Variants in SYT7 observed in about 807,000 individuals in gnomAD.
The protein encoded by SYT7 is synaptotagmin-7.
A neutral mutation model predicts 75.1 loss-of-function variants in SYT7; 29 were observed. The observed-to-expected ratio is 0.39, with a 90% confidence interval of 0.29 to 0.53. The LOEUF is 0.53. SYT7 is among the 20% of genes least tolerant of loss of function. The pLI, the probability that SYT7 is intolerant of heterozygous loss-of-function variation, is 0.77. For synonymous variants in SYT7, 376 were observed against 401.7 expected, an observed-to-expected ratio of 0.94 and a Z score of 0.76; for missense variants, 693 against 953.2, an observed-to-expected ratio of 0.73 and a Z score of 3.59.
chr11:61,542,885 T>C lies in SYT7; in HGVS notation c.573-306A>G, dbSNP rs1169950290. ...GACCTCCCTGCCGGTCTGAGTGGGC[T>C]GCGAGTGCTGCTGAGGCTGCGTGGT... On this transcript the variant is annotated intron_variant, in intron 5 of 12. Coordinates refer to ENST00000539008, the MANE Select transcript of SYT7 (RefSeq NM_001365809.2). The surrounding 1 kb of genome is among the most constrained non-coding windows in gnomAD (Gnocchi z 7.8). Among the ~76,000 whole-genome samples, 1 of 152,178 alleles carries C rather than the reference T, an allele frequency of 6.6e-6. No individual in the cohort carries two copies. Among genetic ancestry groups the C allele is most frequent in the Middle Eastern group, 3.2e-3 (1 of 316 alleles).
At chr11:61,530,743 G>A (rs2062679794) in intron 8 of SYT7, 1 of 948,830 alleles carries the variant, frequency 1.1e-6, no homozygotes, top group Non-Finnish European at 1.3e-6. Flanking sequence ...TCTTGGGAAG[G>A]CCTGGGCTGG....
In SYT7 at chr11:61,580,602, T is replaced by G. The variant is rs2064231446; in HGVS notation, c.31+188A>C. Among the ~76,000 whole-genome samples, 1 of 152,074 alleles carries G rather than the reference T, an allele frequency of 6.6e-6. No homozygotes were observed. Among genetic ancestry groups the G allele is most frequent in the African/African-American group, 2.4e-5 (1 of 41,512 alleles). On this transcript the variant is annotated intron_variant, in intron 1 of 12. Transcript: ENST00000539008. The surrounding 1 kb of genome is among the most constrained non-coding windows in gnomAD (Gnocchi z 6.1). ...ACATCCAGCCTGGCAGTGTCCAGACTGCGGGGGACCGGGGTCCGAGCCGCT... is the reference window on the plus strand; with the variant it reads ...ACATCCAGCCTGGCAGTGTCCAGACGGCGGGGGACCGGGGTCCGAGCCGCT...
rs2063193756 is a variant in SYT7, at chr11:61,546,489, A to G, written c.348-234T>C. The G allele has an allele frequency of 2.4e-6, 1 of 424,138 alleles. No individual in the cohort carries two copies. Among genetic ancestry groups the G allele is most frequent in the Non-Finnish European group, 4.4e-6 (1 of 228,382 alleles). 26.3% of individuals were successfully genotyped at this position (424,138 alleles called of 1,614,324 possible). On this transcript the variant is annotated intron_variant, in intron 4 of 12. Transcript: ENST00000539008. The surrounding 1 kb of genome is among the most constrained non-coding windows in gnomAD (Gnocchi z 7.6). ...AATGGGTTAACAGCGGAGCCTGCAG[A>G]GGAGAGAGGGGGACCGGGCGGGCTG... is the stretch of plus-strand genomic sequence containing the variant.
intron 7 of SYT7, among the ~76,000 whole-genome samples, chr11:61,536,845 C>T (rs549550586): frequency 6.6e-6 from 1 of 152,332 alleles, no homozygotes; most frequent in East Asian, 1.9e-4. Flanking sequence ...GGGACAGTCC[C>T]TTCTGGCCCC....
At chr11:61,522,214 A>G (rs1213594356) in intron 12 of SYT7, among the ~76,000 whole-genome samples, 1 of 136,970 alleles carries the variant, frequency 7.3e-6, no homozygotes, top group Non-Finnish European at 1.5e-5. Context: ...TTTTTCAGGC[A>G]GAGTTTTCTC....
chr11:61,514,804 G>A lies in SYT7; in HGVS notation c.*3823C>T, dbSNP rs2062112796. The stretch of plus-strand genomic sequence containing the variant: ...GAATGAAACTAGAAGAGGGCTGAGA[G>A]AAGCCGCAGGTCCAGCCAACAGACA... On this transcript the variant is annotated 3_prime_UTR_variant, in exon 13 of 13. Coordinates refer to ENST00000539008, the MANE Select transcript of SYT7 (RefSeq NM_001365809.2). Among the ~76,000 whole-genome samples the A allele has an allele frequency of 6.6e-6, 1 of 152,238 alleles. No homozygotes were observed.
At chr11:61,531,639 A>G (rs1012487317) in intron 8 of SYT7, among the ~76,000 whole-genome samples, 4 of 152,030 alleles carry the variant, frequency 2.6e-5, no homozygotes, top group African/African-American at 9.7e-5. Context: ...CATGCCTGTA[A>G]TCACAGCACT....
chr11:61,543,332 C>T (rs1287408679), intron 5 of SYT7, among the ~76,000 whole-genome samples: 1 of 152,188 alleles, frequency 6.6e-6, no homozygotes, highest in Non-Finnish European at 1.5e-5. Context: ...AACCCAGTAT[C>T]CCCTCATCCG....
intron 6 of SYT7, chr11:61,541,376 A>C: frequency 5.4e-6 from 4 of 747,260 alleles, no homozygotes; most frequent in Non-Finnish European, 6.2e-6. Flanking sequence ...AGGCTCTGAG[A>C]GTGGGGGGCA....
intron 9 of SYT7, among the ~76,000 whole-genome samples, chr11:61,526,800 T>G (rs1014439501): frequency 6.6e-6 from 1 of 152,124 alleles, no homozygotes; most frequent in Non-Finnish European, 1.5e-5. Context: ...CAGAAACACA[T>G]GGACACTCAC....
chr11:61,535,937 A>G (rs192175612), intron 7 of SYT7, among the ~76,000 whole-genome samples: 5 of 152,254 alleles, frequency 3.3e-5, no homozygotes, highest in African/African-American at 1.2e-4. Flanking sequence ...CACCACTCCA[A>G]GTTCTGAGGG....
Position 61,542,085 on chromosome 11 carries a change from C to G in SYT7, c.941+126G>C. 1 of 1,330,090 alleles carries G rather than the reference C, an allele frequency of 7.5e-7. No homozygotes were observed. The highest frequency in any genetic ancestry group is 9.9e-7 in the Non-Finnish European group (1 of 1,007,514). The allele number at this position is 1,330,090 out of a possible 1,614,324, so 82.4% of individuals were successfully genotyped here. A position where few individuals can be genotyped will look rare whatever the true frequency, so the allele number is the denominator to read the frequency against. On this transcript the variant is annotated intron_variant, in intron 6 of 12. Transcript: ENST00000539008. This position sits in a 1 kb window ranked among gnomAD's most constrained non-coding sequence, Gnocchi z 7.8. ...GCTAAGGAGGGGGCTGCCAAGTCTG[C>G]TTGGCACCCTGCCAAGGGGATGGAG...
chr11:61,528,154 T>C lies in SYT7; in HGVS notation c.1232A>G (p.His411Arg). 6.2e-7 allele frequency: 1 copy of C among 1,612,530 alleles called. No individual in the cohort carries two copies. Among genetic ancestry groups the C allele is most frequent in the Non-Finnish European group, 8.5e-7 (1 of 1,179,956 alleles). ...LSPGSEEDEA[H>R]EGCSRENLGR... ...CAGGTTCTCTCGGCTGCAACCCTCG[T>C]GGGCCTCATCCTCCTCGGAGCCTGG... The change falls in exon 9 of 13, where the codon CAC (histidine) becomes CGC (arginine). Residue 411 changes from histidine (H) to arginine (R), a missense_variant. Coordinates refer to ENST00000539008, the MANE Select transcript of SYT7 (RefSeq NM_001365809.2).
At chr11:61,534,413 G>GCACACACA (rs796187429) in intron 7 of SYT7, among the ~76,000 whole-genome samples, 16 of 149,688 alleles carry the variant, frequency 1.1e-4, no homozygotes, top group African/African-American at 3.9e-4. Flanking sequence ...ACACACGCAC[G>GCACACACA]CACACATGCG....
At chr11:61,537,765 C>CA (rs1005395420) in intron 7 of SYT7, among the ~76,000 whole-genome samples, 1 of 152,156 alleles carries the variant, frequency 6.6e-6, no homozygotes, top group Non-Finnish European at 1.5e-5. Context: ...ACATCCCCCC[C>CA]GCCCACCAAC....
At chr11:61,577,402 G>A (rs2064114001) in intron 1 of SYT7, among the ~76,000 whole-genome samples, 1 of 152,222 alleles carries the variant, frequency 6.6e-6, no homozygotes, top group Non-Finnish European at 1.5e-5. Flanking sequence ...GAGGAGAGAG[G>A]TTGTTGGTGA....
chr11:61,551,384 T>C lies in SYT7; in HGVS notation c.215A>G (p.Asn72Ser), dbSNP rs1376554557. The change falls in exon 3 of 13, where the codon AAT (asparagine) becomes AGT (serine). Residue 72 changes from asparagine to serine, a missense_variant and splice_region_variant. Physicochemically the swap from Asn to Ser is conservative, Grantham distance 46. Coordinates refer to ENST00000539008, the MANE Select transcript of SYT7 (RefSeq NM_001365809.2). The surrounding 1 kb of genome is among the most constrained non-coding windows in gnomAD (Gnocchi z 5.3). The part of the protein sequence containing the change: ...GRGRSEKKAI[N>S]DLDRDFWNNN... ...CCCAAACTAGCAGCCTGGCACCTAC[T>C]TGATAGCCTTCTTCTCACTGCGCCC... The C allele has an allele frequency of 6.2e-7, 1 of 1,613,764 alleles. No homozygotes were observed. Among genetic ancestry groups the C allele is most frequent in the Non-Finnish European group, 8.5e-7 (1 of 1,179,936 alleles).
chr11:61,553,648 A>G lies in SYT7; in HGVS notation c.136-2185T>C, dbSNP rs1387713669. ...ACTTGATGTGGAGGGCAGGGGGACAACCCAAGTTAACAGGAAACCAGGCAG... is the reference window on the plus strand; with the variant it reads ...ACTTGATGTGGAGGGCAGGGGGACAGCCCAAGTTAACAGGAAACCAGGCAG... On this transcript the variant is annotated intron_variant, in intron 2 of 12. Transcript: ENST00000539008. This position sits in a 1 kb window ranked among gnomAD's most constrained non-coding sequence, Gnocchi z 5.2. Among the ~76,000 whole-genome samples the G allele has an allele frequency of 6.6e-6, 1 of 152,222 alleles. No homozygotes were observed. Among genetic ancestry groups the G allele is most frequent in the Non-Finnish European group, 1.5e-5 (1 of 68,032 alleles).
chr11:61,582,272 G>A (rs1393199809), upstream of SYT7, among the ~76,000 whole-genome samples: 1 of 152,168 alleles, frequency 6.6e-6, no homozygotes, highest in Non-Finnish European at 1.5e-5. Flanking sequence ...GCCCTCCCCT[G>A]TGCTGAGAAT....
Sources: allele counts gnomAD v4.1 joint callset (sites outside exome capture counted in the v4.1 genomes callset), GRCh38; gene constraint gnomAD v4.1.1; non-coding constraint Gnocchi (gnomAD v3.1); transcripts MANE v1.5; gene names NCBI Gene and HGNC (gene_info 2026-07-23, HGNC 2026-07-21).